The following RESP18 variants were observed in gnomAD, a reference collection of about 807,000 sequenced individuals.
The protein encoded by RESP18 is regulated endocrine specific protein 18, also known as regulated endocrine-specific protein 18.
Under a neutral mutation model 30.0 loss-of-function variants are expected in RESP18, and 30 were observed. That is an observed-to-expected ratio of 1.00 (90% confidence interval 0.75 to 1.36). RESP18 has a LOEUF of 1.36. RESP18 is among the 40% of genes most tolerant of loss of function. The pLI, the probability that RESP18 is intolerant of heterozygous loss-of-function variation, is 0.00. For missense variants in RESP18, 320 were observed against 284.2 expected (o/e 1.13, Z -0.91); for synonymous variants, 117 against 111.2 (o/e 1.05, Z -0.33).
intron 4 of RESP18, 133 bp downstream of exon 3, chr2:219,329,504 T>G (rs921370449): frequency 2.6e-6 from 4 of 1,536,002 alleles, no homozygotes; most frequent in Non-Finnish European, 3.5e-6. Flanking sequence ...TCTTCTCTGC[T>G]GATTCCAAAC....
In RESP18 at chr2:219,328,961, CG is replaced by C. The variant is rs796977308; in HGVS notation, c.602del (p.Pro201ArgfsTer30). ...AGATAATTTCTTCCTTAGAGGGTCC[CG>C]GCGCCTGCATCATGTCCAGCCCCCC... is the stretch of plus-strand genomic sequence containing the variant. On this transcript the variant is annotated frameshift_variant, in exon 6 of 7. Coordinates refer to ENST00000333527, the MANE Select transcript of RESP18 (RefSeq NM_001007089.4). LOFTEE classifies it low-confidence loss of function (END_TRUNC). 15 of 1,551,314 alleles carry C rather than the reference CG, an allele frequency of 9.7e-6. No individual in the cohort carries two copies. The African/African-American group carries it at 1.5e-4, about 16-fold the overall frequency.
intron 1 of RESP18, among the ~76,000 whole-genome samples, chr2:219,332,996 A>G (rs1952850349): frequency 6.6e-6 from 1 of 152,066 alleles, no homozygotes; most frequent in African/African-American, 2.4e-5. Context: ...ATGAACAGCG[A>G]TGAAACAGTA....
intron 4 of RESP18, 187 bp downstream of exon 3, chr2:219,329,450 C>G: frequency 6.4e-7 from 1 of 1,550,896 alleles, no homozygotes; most frequent in Non-Finnish European, 8.7e-7. Context: ...CTTGCCACAC[C>G]CACCTCCCCT....
At chr2:219,327,877 C>T (rs1952789813) in intron 6 of RESP18, among the ~76,000 whole-genome samples, 1 of 151,918 alleles carries the variant, frequency 6.6e-6, no homozygotes, top group Admixed American at 6.5e-5. Flanking sequence ...ATTATGTTGC[C>T]CCAGCAACCA....
chr2:219,328,288 C>T (rs1425039803), intron 6 of RESP18, among the ~76,000 whole-genome samples: 1 of 152,208 alleles, frequency 6.6e-6, no homozygotes, highest in Non-Finnish European at 1.5e-5. Context: ...TAATTCTCCA[C>T]CCTCATCTTT....
chr2:219,329,087 A>G (rs1432415627), intron 5 of RESP18, 76 bp downstream of exon 4: 3 of 1,472,478 alleles, frequency 2.0e-6, no homozygotes, highest in Non-Finnish European at 2.8e-6. Flanking sequence ...CCTCACCTCA[A>G]TGCCCATTCC....
chr2:219,330,999 C>A, intron 2 of RESP18, 124 bp from the exon 2 acceptor site: 1 of 634,092 alleles, frequency 1.6e-6, no homozygotes, highest in East Asian at 2.9e-5. Context: ...ACTACCAGGC[C>A]GCTTTGTCCA....
chr2:219,333,115 AATATTATATATTATATAT>A (rs1952852807), intron 1 of RESP18: 3 of 1,030,866 alleles, frequency 2.9e-6, no homozygotes, highest in African/African-American at 7.3e-5. Context: ...ATATATATAT[AATATTATATATTATATAT>A]TATATATGGC....
intron 1 of RESP18, chr2:219,333,052 A>T: frequency 1.0e-6 from 1 of 984,800 alleles, no homozygotes; most frequent in Non-Finnish European, 1.4e-6. Flanking sequence ...GACACTCTTT[A>T]CTCTGGCCCA....
intron 2 of RESP18, among the ~76,000 whole-genome samples, chr2:219,331,731 C>T (rs1415060884): frequency 6.6e-6 from 1 of 152,166 alleles, no homozygotes; most frequent in East Asian, 1.9e-4. Flanking sequence ...GGCGTGGACC[C>T]GGAGCGCGCC....
At chr2:219,328,775 G>T in intron 6 of RESP18, 149 bp downstream of exon 5, 1 of 604,396 alleles carries the variant, frequency 1.7e-6, no homozygotes, top group East Asian at 2.9e-5. Context: ...GCAAGGGGGA[G>T]GCTGAATGTG....
In RESP18 at chr2:219,330,870, G is replaced by C. The variant is rs758018426; in HGVS notation, c.238C>G (p.Gln80Glu). Reference sequence around the variant, plus strand: ...AGCTGCCCCACTCCTACTTGGTCCTGACCATCTAAGGGCAAAATAGTGGTG... The same window carrying C: ...AGCTGCCCCACTCCTACTTGGTCCTCACCATCTAAGGGCAAAATAGTGGTG... The change falls in exon 3 of 7, where the codon CAG becomes GAG. Residue 80 changes from glutamine to glutamate, a missense_variant. Coordinates refer to ENST00000333527, the MANE Select transcript of RESP18 (RefSeq NM_001007089.4). 3 of 1,548,876 alleles carry C rather than the reference G, an allele frequency of 1.9e-6. No homozygotes were observed. Among genetic ancestry groups the C allele is most frequent in the African/African-American group, 1.4e-5 (1 of 73,068 alleles).
intron 2 of RESP18, 80 bp from the exon 2 acceptor site, chr2:219,330,955 T>C (rs1952824779): frequency 1.2e-6 from 1 of 814,418 alleles, no homozygotes; most frequent in Non-Finnish European, 2.1e-6. Flanking sequence ...AGCTTCCTTG[T>C]ACTGTCACTC....
rs1354174672 is a variant in RESP18 at position 219,329,750 on chromosome 2, C to T, written c.352G>A (p.Asp118Asn). The change falls in exon 4 of 7, where the codon GAT becomes AAT. Residue 118 changes from aspartate (D) to asparagine (N), a missense_variant. Physicochemically the swap from Asp to Asn is conservative, Grantham distance 23. Coordinates refer to ENST00000333527, the MANE Select transcript of RESP18 (RefSeq NM_001007089.4). ...ATCATTGCATCCTGGGTGATGTCAT[C>T]CTTCCAGAACAGACCTGCAGGATGA... The T allele has an allele frequency of 4.4e-5, 68 of 1,551,434 alleles. No homozygotes were observed. Among genetic ancestry groups the T allele is most frequent in the Non-Finnish European group, 5.8e-5 (66 of 1,146,938 alleles).
Position 219,327,574 on chromosome 2 carries a change from A to C in RESP18, c.641-11T>G, listed in dbSNP as rs374952663. ...TGGCCCAGAGAAGCCCTAAAACAAG[A>C]AGAAACAAGGGAGCTAGAGTCAGGA... On this transcript the variant is annotated splice_polypyrimidine_tract_variant and intron_variant, in intron 6 of 6. Transcript: ENST00000333527. The C allele has an allele frequency of 5.2e-6, 8 of 1,551,264 alleles. No homozygotes were observed. The highest frequency in any genetic ancestry group is 3.3e-4 in the Middle Eastern group (2 of 6,012).
chr2:219,329,959 G>C (rs1200145459), intron 3 of RESP18, among the ~76,000 whole-genome samples, 195 bp from the exon 3 acceptor site: 1 of 152,198 alleles, frequency 6.6e-6, no homozygotes, highest in Non-Finnish European at 1.5e-5. Context: ...CAGTCTCTTT[G>C]CTGGTTCATT....
At chr2:219,332,449 G>C in intron 2 of RESP18, 75 bp downstream of exon 1, 1 of 1,117,154 alleles carries the variant, frequency 9.0e-7, no homozygotes, top group Non-Finnish European at 1.3e-6. Flanking sequence ...TCCTAGCCTT[G>C]AGGCCCCCTG....
intron 4 of RESP18, 61 bp downstream of exon 3, chr2:219,329,576 C>T (rs1288980603): frequency 5.2e-6 from 8 of 1,546,228 alleles, no homozygotes; most frequent in African/African-American, 1.4e-5. Flanking sequence ...GCACACATTC[C>T]TTCCCTGTTC....
intron 2 of RESP18, 129 bp downstream of exon 1, chr2:219,332,395 T>C (rs1952840484): frequency 1.4e-6 from 1 of 692,894 alleles, no homozygotes; most frequent in Non-Finnish European, 2.4e-6. Flanking sequence ...TGTCTACCTT[T>C]TTCTCTTCTC....
Sources: gnomAD v4.1 joint callset for allele counts (sites outside exome capture counted in the v4.1 genomes callset) on GRCh38, gnomAD v4.1.1 for gene constraint, MANE v1.5 for transcripts, NCBI Gene and HGNC (gene_info 2026-07-23, HGNC 2026-07-21) for gene names.